Variants in WDTC1 observed in about 807,000 individuals in gnomAD.
WDTC1 encodes WD and tetratricopeptide repeats protein 1.
Under a neutral mutation model 76.0 loss-of-function variants are expected in WDTC1, and 12 were observed. That is an observed-to-expected ratio of 0.16 (90% confidence interval 0.10 to 0.26). The LOEUF (loss-of-function observed/expected upper bound fraction) is 0.26. Ranked by LOEUF, WDTC1 falls within the 10% of genes least tolerant of loss-of-function variation. The probability of loss-of-function intolerance (pLI) is 1.00; values close to 1 mark genes in which losing one functional copy is unlikely to be tolerated. For missense variants in WDTC1, 511 were observed against 908.8 expected (o/e 0.56, Z 5.63); for synonymous variants, 326 against 350.8 (o/e 0.93, Z 0.79).
chr1:27,244,561 C>T (rs933704963), intron 1 of WDTC1, among the ~76,000 whole-genome samples: 12 of 152,146 alleles, frequency 7.9e-5, no homozygotes, highest in East Asian at 1.9e-4. Flanking sequence ...GCCCAGACTG[C>T]TCTCGACCTC....
chr1:27,296,309 G>GC lies in WDTC1; in HGVS notation c.874-11dup, dbSNP rs1467959549. 3.1e-6 allele frequency: 5 copies of GC among 1,611,420 alleles called. No individual in the cohort carries two copies. Among genetic ancestry groups the GC allele is most frequent in the South Asian group, 2.2e-5 (2 of 90,710 alleles). On this transcript the variant is annotated splice_polypyrimidine_tract_variant and intron_variant, in intron 9 of 15. Coordinates refer to ENST00000319394, the MANE Select transcript of WDTC1 (RefSeq NM_001276252.2). ...CCTCACAGCTTCCATCTCTTTTTTTGCCCCCCTCAACTCTAGGTCTATTTG... is the reference window on the plus strand; with the variant it reads ...CCTCACAGCTTCCATCTCTTTTTTTGCCCCCCCTCAACTCTAGGTCTATTTG...
At chr1:27,258,127 G>A (rs1453573293) in intron 1 of WDTC1, among the ~76,000 whole-genome samples, 1 of 151,418 alleles carries the variant, frequency 6.6e-6, no homozygotes, top group African/African-American at 2.4e-5. Context: ...TGCCAGGCAC[G>A]GTGGCTCATG....
chr1:27,296,807 T>TAGCCCCAGCCCCAGCCCTAGACCC lies in WDTC1; in HGVS notation c.950-224_950-223insTAGACCCAGCCCCAGCCCCAGCCC, dbSNP rs1557507224. ...CCAACCCTAGCCCCAGCCCCAGCCCTAGCCCCAGCCCCAGCCCCAGCTGAG... is the reference window on the plus strand; with the variant it reads ...CCAACCCTAGCCCCAGCCCCAGCCCTAGCCCCAGCCCCAGCCCTAGACCCAGCCCCAGCCCCAGCCCCAGCTGAG... On this transcript the variant is annotated intron_variant, in intron 10 of 15. Transcript: ENST00000319394. Among the ~76,000 whole-genome samples the TAGCCCCAGCCCCAGCCCTAGACCC allele has an allele frequency of 4.3e-4, 9 of 21,102 alleles. No homozygotes were observed. The Admixed American group carries it at 5.4e-3, about 13-fold the overall frequency. 13.8% of individuals were successfully genotyped at this position (21,102 alleles called of 152,430 possible). A position where few individuals can be genotyped will look rare whatever the true frequency, so the allele number is the denominator to read the frequency against.
chr1:27,282,343 C>T, intron 4 of WDTC1, 58 bp downstream of exon 4: 1 of 1,544,662 alleles, frequency 6.5e-7, no homozygotes, highest in Non-Finnish European at 8.9e-7. Flanking sequence ...GAGGGTGGAA[C>T]AGCAAGGCTC....
intron 1 of WDTC1, among the ~76,000 whole-genome samples, chr1:27,240,796 G>A (rs1402932093): frequency 6.6e-6 from 1 of 152,086 alleles, no homozygotes; most frequent in Non-Finnish European, 1.5e-5. Flanking sequence ...CCAAGGTGGT[G>A]AAACCCTGTC....
chr1:27,267,598 C>T (rs2012716783), intron 3 of WDTC1, among the ~76,000 whole-genome samples: 1 of 152,072 alleles, frequency 6.6e-6, no homozygotes, highest in South Asian at 2.1e-4. Context: ...GTGGAATTGA[C>T]TAATATAATG....
In WDTC1 at chr1:27,239,374, T is replaced by C. The variant is rs992076759; in HGVS notation, c.-100+4423T>C. 1.2e-3 allele frequency among the ~76,000 whole-genome samples: 181 copies of C among 151,012 alleles called. 2 individuals carry two copies. The highest frequency in any genetic ancestry group is 0.012 in the Admixed American group (180 of 15,218). ...CTCTACAAAAAGAAAATTTAAAAAT[T>C]AGCCAGGTGTGGTAGCATGTGCCTG... is the stretch of plus-strand genomic sequence containing the variant. On this transcript the variant is annotated intron_variant, in intron 1 of 15. Transcript: ENST00000319394.
Position 27,303,499 on chromosome 1 carries a change from G to T in WDTC1, c.1469-122G>T. ...ACCTTTCCCCAGTTTTCCAGGATAA[G>T]GGTGGAGGCAGGTAGCTCTATGTTG... On this transcript the variant is annotated intron_variant, in intron 13 of 15. Transcript: ENST00000319394. This position sits in a 1 kb window ranked among gnomAD's most constrained non-coding sequence, Gnocchi z 4.8. 1 of 1,230,032 alleles carries T rather than the reference G, an allele frequency of 8.1e-7. No homozygotes were observed. The highest frequency in any genetic ancestry group is 1.1e-6 in the Non-Finnish European group (1 of 914,958). The allele number at this position is 1,230,032 out of a possible 1,614,324, so 76.2% of individuals were successfully genotyped here.
In WDTC1 at chr1:27,301,534, A is replaced by C; in HGVS notation, c.1468+73A>C. On this transcript the variant is annotated intron_variant, in intron 13 of 15. Coordinates refer to ENST00000319394, the MANE Select transcript of WDTC1 (RefSeq NM_001276252.2). The surrounding 1 kb of genome is among the most constrained non-coding windows in gnomAD (Gnocchi z 5.8). ...TGCTGCATGACATTCTGGAGAGGTCATGGTTCTGGGATTGGAGAGGCCTGG... is the reference window on the plus strand; with the variant it reads ...TGCTGCATGACATTCTGGAGAGGTCCTGGTTCTGGGATTGGAGAGGCCTGG... 1 of 1,537,142 alleles carries C rather than the reference A, an allele frequency of 6.5e-7. No individual in the cohort carries two copies. Among genetic ancestry groups the C allele is most frequent in the Non-Finnish European group, 8.8e-7 (1 of 1,131,132 alleles).
At chr1:27,276,444 C>T (rs962428163) in intron 3 of WDTC1, among the ~76,000 whole-genome samples, 1 of 151,924 alleles carries the variant, frequency 6.6e-6, no homozygotes, top group Non-Finnish European at 1.5e-5. Context: ...GCCTATAATC[C>T]CACACTTTGG....
rs2012464874 is a variant in WDTC1, at chr1:27,261,113, C to G, written c.48+11C>G. The G allele has an allele frequency of 6.2e-7, 1 of 1,613,948 alleles. No homozygotes were observed. Among genetic ancestry groups the G allele is most frequent in the Non-Finnish European group, 8.5e-7 (1 of 1,179,870 alleles). On this transcript the variant is annotated intron_variant, in intron 2 of 15. Coordinates refer to ENST00000319394, the MANE Select transcript of WDTC1 (RefSeq NM_001276252.2). ...CGTAGGCAGATCAAGGTAAGCAGCCCAGACTTCTGCACCAGATCATGAGAT... is the reference window on the plus strand; with the variant it reads ...CGTAGGCAGATCAAGGTAAGCAGCCGAGACTTCTGCACCAGATCATGAGAT...
chr1:27,306,234 C>T lies in WDTC1; in HGVS notation c.1885C>T (p.Gln629Ter), dbSNP rs781120824. ...CGTGGAAGATATGGAGGGTGCTTCA[C>T]AGGCCAACCAGCGGCGCATGAATGC... The part of the protein sequence containing the change: ...RVVEDMEGAS[Q>*]ANQRRMNADP... The change falls in exon 16 of 16, where the codon CAG becomes TAG. Residue 629 changes from glutamine (Q) to a stop codon, truncating the protein, a stop_gained. Coordinates refer to ENST00000319394, the MANE Select transcript of WDTC1 (RefSeq NM_001276252.2). LOFTEE classifies it high-confidence loss of function. The surrounding 1 kb of genome is among the most constrained non-coding windows in gnomAD (Gnocchi z 5.0). 1.2e-6 allele frequency: 2 copies of T among 1,614,010 alleles called. No homozygotes were observed. The highest frequency in any genetic ancestry group is 2.7e-5 in the African/African-American group (2 of 74,908).
At chr1:27,237,553 T>C (rs1328632409) in intron 1 of WDTC1, among the ~76,000 whole-genome samples, 1 of 152,106 alleles carries the variant, frequency 6.6e-6, no homozygotes, top group Admixed American at 6.6e-5. Context: ...CAGTTGCTAT[T>C]AGAAACCAGT....
At chr1:27,285,675 G>A (rs182306499) in intron 5 of WDTC1, among the ~76,000 whole-genome samples, 3 of 150,916 alleles carry the variant, frequency 2.0e-5, no homozygotes, top group Admixed American at 6.6e-5. Flanking sequence ...CTGGAGTACA[G>A]TGGCAAGATC....
In WDTC1 at chr1:27,286,370, C is replaced by T. The variant is rs183156179; in HGVS notation, c.292-1304C>T. Among the ~76,000 whole-genome samples the T allele has an allele frequency of 3.3e-5, 5 of 151,694 alleles. No individual in the cohort carries two copies. The East Asian group carries it at 9.6e-4, about 29-fold the overall frequency. On this transcript the variant is annotated intron_variant, in intron 5 of 15. Coordinates refer to ENST00000319394, the MANE Select transcript of WDTC1 (RefSeq NM_001276252.2). ...GTATCCTCTTGATGCTCAGCCCTTC[C>T]CTATTGTCCAACATTTGAGCTGTTT...
At chr1:27,299,058 G>A (rs890203971) in intron 12 of WDTC1, among the ~76,000 whole-genome samples, 5 of 152,190 alleles carry the variant, frequency 3.3e-5, no homozygotes, top group Non-Finnish European at 5.9e-5. Flanking sequence ...TGGATGAATC[G>A]TGAGTTGATT....
intron 1 of WDTC1, among the ~76,000 whole-genome samples, chr1:27,260,139 C>G (rs1474504472): frequency 3.3e-5 from 5 of 152,120 alleles, no homozygotes; most frequent in Admixed American, 2.6e-4. Flanking sequence ...GAGTCTCGCT[C>G]TGTCGCCCAG....
At chr1:27,286,086 A>G (rs1348591555) in intron 5 of WDTC1, among the ~76,000 whole-genome samples, 8 of 136,420 alleles carry the variant, frequency 5.9e-5, no homozygotes, top group Non-Finnish European at 1.2e-4. Context: ...GCTCACTGCA[A>G]CCTCCACCTC....
At chr1:27,286,467 CTT>C (rs1172585069) in intron 5 of WDTC1, among the ~76,000 whole-genome samples, 5 of 124,420 alleles carry the variant, frequency 4.0e-5, no homozygotes, top group Non-Finnish European at 8.5e-5. Flanking sequence ...GGATTATTTC[CTT>C]TTTTTTTTTT....
Sources: allele counts gnomAD v4.1 joint callset (sites outside exome capture counted in the v4.1 genomes callset), GRCh38; gene constraint gnomAD v4.1.1; non-coding constraint Gnocchi (gnomAD v3.1); transcripts MANE v1.5; gene names NCBI Gene and HGNC (gene_info 2026-07-23, HGNC 2026-07-21).